The following ERP44 variants were observed in gnomAD, a reference collection of about 807,000 sequenced individuals.
ERP44 encodes the protein endoplasmic reticulum protein 44, also known as endoplasmic reticulum resident protein 44.
In ERP44, 25 loss-of-function variants were observed where a neutral mutation model predicts 53.4. That is an observed-to-expected ratio of 0.47 (90% CI 0.34 to 0.65). The LOEUF (loss-of-function observed/expected upper bound fraction) is 0.65, where lower values mean the gene tolerates loss of function less well. Among genes scored for constraint, ERP44 ranks in the 30% least tolerant of loss-of-function variants. The pLI, the probability that ERP44 is intolerant of heterozygous loss-of-function variation, is 0.01. For missense variants in ERP44, 338 were observed against 493.2 expected (o/e 0.69, Z 2.98); for synonymous variants, 145 against 161.2 (o/e 0.90, Z 0.76).
In ERP44 at chr9:100,043,931, G is replaced by T. The variant is rs143097394; in HGVS notation, c.286+8486C>A. Among the ~76,000 whole-genome samples the T allele has an allele frequency of 2.4e-3, 360 of 152,220 alleles. 4 individuals are homozygous for T. Among genetic ancestry groups the T allele is most frequent in the African/African-American group, 8.1e-3 (336 of 41,548 alleles). On this transcript the variant is annotated intron_variant, in intron 4 of 11. Transcript: ENST00000262455. Reference sequence around the variant, plus strand: ...ATTTATTGTATATTTTTGAGTACTAGAAGAGAGGATTATCCTGATGTAACC... The same window carrying T: ...ATTTATTGTATATTTTTGAGTACTATAAGAGAGGATTATCCTGATGTAACC...
chr9:100,053,656 T>C (rs1826059865), intron 3 of ERP44, among the ~76,000 whole-genome samples: 1 of 152,134 alleles, frequency 6.6e-6, no homozygotes, highest in African/African-American at 2.4e-5. Flanking sequence ...AAAGTTACAG[T>C]AAAAATACGG....
intron 1 of ERP44, among the ~76,000 whole-genome samples, chr9:100,087,716 T>C (rs776060690): frequency 2.6e-5 from 4 of 152,122 alleles, no homozygotes; most frequent in Non-Finnish European, 4.4e-5. Flanking sequence ...TCTAAGCATG[T>C]GGTATCTTTT....
intron 4 of ERP44, among the ~76,000 whole-genome samples, chr9:100,028,130 G>A (rs542783185): frequency 3.4e-4 from 52 of 152,158 alleles, no homozygotes; most frequent in African/African-American, 1.2e-3. Context: ...AGTAAGGTTC[G>A]AGTTGCACTG....
chr9:100,000,343 G>C (rs1240557205), intron 10 of ERP44, among the ~76,000 whole-genome samples: 2 of 151,532 alleles, frequency 1.3e-5, no homozygotes, highest in African/African-American at 2.4e-5. Context: ...GAGGCTTGAG[G>C]TGGGATTACT....
intron 1 of ERP44, among the ~76,000 whole-genome samples, chr9:100,094,316 TAA>T (rs550473930): frequency 2.1e-5 from 3 of 143,150 alleles, no homozygotes; most frequent in Admixed American, 7.0e-5. Flanking sequence ...CTTGTACCTT[TAA>T]AAAAAAAAAA....
chr9:99,991,260 T>G (rs532508566), intron 10 of ERP44, among the ~76,000 whole-genome samples: 18 of 152,314 alleles, frequency 1.2e-4, no homozygotes, highest in African/African-American at 4.1e-4. Flanking sequence ...GACCACATAG[T>G]TGGAAGTAAA....
intron 4 of ERP44, among the ~76,000 whole-genome samples, chr9:100,032,271 A>G (rs1209055301): frequency 6.6e-6 from 1 of 152,226 alleles, no homozygotes; most frequent in Admixed American, 6.5e-5. Flanking sequence ...CAGTAATCCA[A>G]TTAAAAAACT....
At chr9:99,990,147 C>G (rs1440746773) in intron 10 of ERP44, among the ~76,000 whole-genome samples, 6 of 152,128 alleles carry the variant, frequency 3.9e-5, no homozygotes, top group Non-Finnish European at 5.9e-5. Flanking sequence ...GGCCAACATT[C>G]AAATTCAGGA....
rs2118709785 is a variant in ERP44, at chr9:100,054,039, G to C, written c.171-1507C>G. On this transcript the variant is annotated intron_variant, in intron 3 of 11. Coordinates refer to ENST00000262455, the MANE Select transcript of ERP44 (RefSeq NM_015051.3). The stretch of plus-strand genomic sequence containing the variant: ...TATATCTCTTCTAGCCCACTCACCT[G>C]ACTTCCTAAGGAGATGTCCTAGAAT... 2.6e-5 allele frequency among the ~76,000 whole-genome samples: 4 copies of C among 152,190 alleles called. No individual in the cohort carries two copies. In the Middle Eastern group the frequency reaches 0.01, roughly 388 times the overall value.
chr9:100,092,106 TA>T (rs1417834490), intron 1 of ERP44, among the ~76,000 whole-genome samples: 1 of 152,218 alleles, frequency 6.6e-6, no homozygotes, highest in Non-Finnish European at 1.5e-5. Context: ...ATAACAAAGA[TA>T]CAGATTAAGT....
rs372998196 is a variant in ERP44, at chr9:100,068,010, C to T, written c.58-7838G>A. 5.8e-4 allele frequency among the ~76,000 whole-genome samples: 88 copies of T among 151,532 alleles called. No individual in the cohort carries two copies. The East Asian group carries it at 0.017, about 29-fold the overall frequency. On this transcript the variant is annotated intron_variant, in intron 1 of 11. Coordinates refer to ENST00000262455, the MANE Select transcript of ERP44 (RefSeq NM_015051.3). ...GGGTCAGCCCCCGCCAGGCCAGCCGCCCCGTCCGGGAGGGAGGTGGGGGGG... is the reference window on the plus strand; with the variant it reads ...GGGTCAGCCCCCGCCAGGCCAGCCGTCCCGTCCGGGAGGGAGGTGGGGGGG...
chr9:100,023,233 A>G (rs1830613393), intron 4 of ERP44, among the ~76,000 whole-genome samples: 1 of 152,084 alleles, frequency 6.6e-6, no homozygotes, highest in Non-Finnish European at 1.5e-5. Flanking sequence ...CTATTACCTG[A>G]GCAAGGATTT....
At chr9:100,035,712 T>TA in intron 4 of ERP44, among the ~76,000 whole-genome samples, 1 of 150,914 alleles carries the variant, frequency 6.6e-6, no homozygotes, top group Admixed American at 6.6e-5. Flanking sequence ...AAAAAGTAAA[T>TA]AAAAAAACAA....
intron 10 of ERP44, 120 bp from the exon 11 acceptor site, chr9:99,985,189 T>C (rs1830183391): frequency 3.1e-6 from 2 of 643,094 alleles, no homozygotes; most frequent in Middle Eastern, 3.9e-4. Context: ...CCACAACTAT[T>C]GCAGGCCAGG....
chr9:99,989,620 A>C lies in ERP44; in HGVS notation c.1017-4551T>G, dbSNP rs138028021. On this transcript the variant is annotated intron_variant, in intron 10 of 11. Transcript: ENST00000262455. ...AGCAGAAAAGCTGAAAATTCTGAAA[A>C]CCAAAGCACCTCTTCTCCTCCAAAG... 7.2e-3 allele frequency among the ~76,000 whole-genome samples: 1,103 copies of C among 152,334 alleles called. 19 individuals carry two copies. Among genetic ancestry groups the C allele is most frequent in the African/African-American group, 0.025 (1,052 of 41,574 alleles).
intron 4 of ERP44, among the ~76,000 whole-genome samples, chr9:100,044,200 C>T (rs977185860): frequency 6.6e-6 from 1 of 152,096 alleles, no homozygotes; most frequent in Non-Finnish European, 1.5e-5. Flanking sequence ...AGTGCTGGTA[C>T]TGTTTACTAT....
At chr9:100,054,224 A>G (rs952646826) in intron 3 of ERP44, among the ~76,000 whole-genome samples, 2 of 152,182 alleles carry the variant, frequency 1.3e-5, no homozygotes, top group African/African-American at 4.8e-5. Context: ...AACATTCAAT[A>G]TATGTATTAA....
chr9:100,015,925 C>T (rs535364910), intron 8 of ERP44, among the ~76,000 whole-genome samples: 4 of 152,200 alleles, frequency 2.6e-5, no homozygotes, highest in Admixed American at 6.5e-5. Context: ...GAGCTCAGGC[C>T]GTAATGCTCT....
At chr9:99,985,460 T>C (rs553320782) in intron 10 of ERP44, among the ~76,000 whole-genome samples, 10 of 152,202 alleles carry the variant, frequency 6.6e-5, no homozygotes, top group African/African-American at 9.6e-5. Context: ...AAGGGAAAAA[T>C]AGTTAGGGGC....
Sources: allele counts gnomAD v4.1 joint callset (sites outside exome capture counted in the v4.1 genomes callset), GRCh38; gene constraint gnomAD v4.1.1; transcripts MANE v1.5; gene names NCBI Gene and HGNC (gene_info 2026-07-23, HGNC 2026-07-21).